SOX5: variants seen among roughly 807,000 people sequenced by gnomAD.
The protein encoded by SOX5 is transcription factor SOX-5.
SOX5 carries 9 observed loss-of-function variants against 92.0 expected under a neutral mutation model. That is an observed-to-expected ratio of 0.10 (90% CI 0.06 to 0.17). The LOEUF is 0.17. Among genes scored for constraint, SOX5 ranks in the 10% least tolerant of loss-of-function variants. The pLI, the probability that SOX5 is intolerant of heterozygous loss-of-function variation, is 1.00. For missense variants in SOX5, 642 were observed against 944.5 expected, an observed-to-expected ratio of 0.68 and a Z score of 4.20; for synonymous variants, 344 against 336.3, an observed-to-expected ratio of 1.02 and a Z score of -0.25.
chr12:23,817,427 T>G (rs1013027260), intron 3 of SOX5, among the ~76,000 whole-genome samples: 11 of 152,192 alleles, frequency 7.2e-5, no homozygotes, highest in African/African-American at 2.4e-4. Context: ...GGAAAGCAAT[T>G]AAAATATTTT....
chr12:24,152,997 A>C (rs143288361), intron 4 of SOX5, among the ~76,000 whole-genome samples: 1 of 152,122 alleles, frequency 6.6e-6, no homozygotes. Context: ...TAAATGGTGT[A>C]AAGTGTTCTC....
At chr12:24,333,144 A>C in intron 2 of SOX5, among the ~76,000 whole-genome samples, 1 of 152,130 alleles carries the variant, frequency 6.6e-6, no homozygotes, top group Admixed American at 6.5e-5. Context: ...TAAAGTTTCT[A>C]AGAATGAAGA....
chr12:24,238,227 A>G (rs1964888827), intron 3 of SOX5, among the ~76,000 whole-genome samples: 1 of 152,172 alleles, frequency 6.6e-6, no homozygotes, highest in Non-Finnish European at 1.5e-5. Flanking sequence ...AAAATAGAAC[A>G]TCTTTTCTCT....
intron 4 of SOX5, among the ~76,000 whole-genome samples, chr12:23,749,553 C>T (rs2094117847): frequency 6.6e-6 from 1 of 151,662 alleles, no homozygotes; most frequent in African/African-American, 2.4e-5. Context: ...CCACTGTTGC[C>T]CCACGGTAGA....
intron 1 of SOX5, among the ~76,000 whole-genome samples, chr12:24,525,886 A>C (rs1424829240): frequency 1.3e-5 from 2 of 151,854 alleles, no homozygotes; most frequent in Non-Finnish European, 2.9e-5. Flanking sequence ...GTAGGTATGA[A>C]GAAAACAGAA....
intron 3 of SOX5, among the ~76,000 whole-genome samples, chr12:23,759,010 A>C (rs1407168596): frequency 2.8e-5 from 3 of 108,362 alleles, no homozygotes; most frequent in Admixed American, 2.4e-4. Flanking sequence ...GGCAACACAA[A>C]ACACACACAC....
At chr12:23,830,984 C>A (rs1356106083) in intron 3 of SOX5, among the ~76,000 whole-genome samples, 2 of 152,072 alleles carry the variant, frequency 1.3e-5, no homozygotes, top group Non-Finnish European at 2.9e-5. Flanking sequence ...GTCTTTGCTA[C>A]AGAATAATTA....
intron 10 of SOX5, among the ~76,000 whole-genome samples, chr12:23,570,329 G>A (rs1947937529): frequency 6.6e-6 from 1 of 152,154 alleles, no homozygotes; most frequent in African/African-American, 2.4e-5. Context: ...AAACTGTAAA[G>A]TGTTATGCAA....
At chr12:24,325,651 A>C (rs1950608675) in intron 2 of SOX5, among the ~76,000 whole-genome samples, 1 of 152,224 alleles carries the variant, frequency 6.6e-6, no homozygotes, top group East Asian at 1.9e-4. Flanking sequence ...GGGAACATGC[A>C]TTTACATGAT....
chr12:24,415,595 C>T (rs1290841680), intron 1 of SOX5, among the ~76,000 whole-genome samples: 1 of 152,148 alleles, frequency 6.6e-6, no homozygotes, highest in Non-Finnish European at 1.5e-5. Context: ...GTAAACTTTG[C>T]TTCATCCTAA....
chr12:24,234,387 G>A lies in SOX5; in HGVS notation c.-76-20970C>T, dbSNP rs183732868. ...CCACATATTTACCTATCATGTTAAAGAGAGAGGGCTAAAGATAACAATGTT... is the reference window on the plus strand; with the variant it reads ...CCACATATTTACCTATCATGTTAAAAAGAGAGGGCTAAAGATAACAATGTT... On this transcript the variant is annotated intron_variant, in intron 3 of 4. Transcript: ENST00000446891. Among the ~76,000 whole-genome samples the A allele has an allele frequency of 5.6e-4, 85 of 152,210 alleles. 1 individual carries two copies. Among genetic ancestry groups the A allele is most frequent in the South Asian group, 2.9e-3 (14 of 4,822 alleles).
chr12:24,374,378 G>A (rs191228387), intron 1 of SOX5, among the ~76,000 whole-genome samples: 4 of 152,250 alleles, frequency 2.6e-5, no homozygotes, highest in Admixed American at 6.5e-5. Flanking sequence ...AAAAGCCACC[G>A]CTAAAGGAAG....
At chr12:23,701,772 A>G (rs540500907) in intron 6 of SOX5, among the ~76,000 whole-genome samples, 29 of 152,190 alleles carry the variant, frequency 1.9e-4, no homozygotes, top group African/African-American at 6.7e-4. Context: ...TTTGTGCCAG[A>G]TCCCACCAAA....
intron 1 of SOX5, among the ~76,000 whole-genome samples, chr12:24,396,195 G>A (rs1480614818): frequency 1.3e-5 from 2 of 152,176 alleles, no homozygotes; most frequent in African/African-American, 4.8e-5. Context: ...AAACGTATCA[G>A]GGACATGCCC....
chr12:24,518,668 G>C (rs900663595), intron 1 of SOX5, among the ~76,000 whole-genome samples: 4 of 151,958 alleles, frequency 2.6e-5, no homozygotes, highest in African/African-American at 9.7e-5. Context: ...CTGTAAAATA[G>C]GTAAGAGAAT....
intron 3 of SOX5, among the ~76,000 whole-genome samples, chr12:23,767,863 A>G (rs144808987): frequency 2.6e-5 from 4 of 151,888 alleles, no homozygotes; most frequent in African/African-American, 7.3e-5. Context: ...AAAGATACAG[A>G]TCTGTAGATT....
At chr12:23,930,852 T>G (rs112027418) in intron 1 of SOX5, among the ~76,000 whole-genome samples, 93 of 151,814 alleles carry the variant, frequency 6.1e-4, no homozygotes, top group Non-Finnish European at 1.2e-3. Flanking sequence ...CTGGAAAATG[T>G]ATCATTCTTT....
At chr12:23,560,651 A>G (rs1307198356) in intron 11 of SOX5, among the ~76,000 whole-genome samples, 1 of 152,244 alleles carries the variant, frequency 6.6e-6, no homozygotes, top group East Asian at 1.9e-4. Context: ...CTGGTTTAAT[A>G]CAATACCTCC....
chr12:23,644,876 C>G (rs1467387988), intron 7 of SOX5, among the ~76,000 whole-genome samples: 1 of 152,144 alleles, frequency 6.6e-6, no homozygotes, highest in East Asian at 1.9e-4. Context: ...CTTAAAACTA[C>G]TTAATTCATT....
Sources: gnomAD v4.1 joint callset for allele counts (sites outside exome capture counted in the v4.1 genomes callset) on GRCh38, gnomAD v4.1.1 for gene constraint, MANE v1.5 for transcripts, NCBI Gene and HGNC (gene_info 2026-07-23, HGNC 2026-07-21) for gene names.